The following ACBD3 variants were observed in gnomAD, a reference collection of about 807,000 sequenced individuals.
ACBD3 encodes acyl-CoA binding domain containing 3.
Under a neutral mutation model 66.9 loss-of-function variants are expected in ACBD3, and 30 were observed. The ratio of observed to expected loss-of-function variants is 0.45; its 90% CI spans 0.34 to 0.61. The LOEUF is 0.61. Ranked by LOEUF, ACBD3 falls within the 20% of genes least tolerant of loss-of-function variation. The pLI, the probability that ACBD3 is intolerant of heterozygous loss-of-function variation, is 0.02. For synonymous variants in ACBD3, 278 were observed against 259.8 expected (o/e 1.07, Z -0.68); for missense variants, 544 against 664.5 (o/e 0.82, Z 1.99).
intron 1 of ACBD3, among the ~76,000 whole-genome samples, chr1:226,170,020 CA>C (rs771896387): frequency 0.22 from 16,690 of 74,578 alleles, 464 homozygotes; most frequent in East Asian, 0.3. Context: ...GATTCCATCT[CA>C]AAAAAAAAAA....
intron 7 of ACBD3, among the ~76,000 whole-genome samples, 174 bp from the exon 8 acceptor site, chr1:226,146,995 G>A (rs779509529): frequency 1.3e-5 from 2 of 152,168 alleles, no homozygotes; most frequent in Admixed American, 6.5e-5. Context: ...GGGTGCAAGC[G>A]ATTCTCCTGC....
chr1:226,155,032 T>C (rs1446753386), intron 5 of ACBD3, 199 bp from the exon 6 acceptor site: 3 of 388,562 alleles, frequency 7.7e-6, no homozygotes, highest in Non-Finnish European at 9.0e-6. Flanking sequence ...CTAAAAATAA[T>C]AAAAAATCAA....
chr1:226,154,533 A>C lies in ACBD3; in HGVS notation c.1090+114T>G, dbSNP rs866723949. On this transcript the variant is annotated intron_variant, in intron 6 of 7. Coordinates refer to ENST00000366812, the MANE Select transcript of ACBD3 (RefSeq NM_022735.4). ...ACTAAAAAGAGTAAAAAAATGTTCA[A>C]CTCTCACAAATATGTAATTGTTCTC... 5 of 1,249,492 alleles carry C rather than the reference A, an allele frequency of 4.0e-6. No individual in the cohort carries two copies. The African/African-American group carries it at 4.5e-5, about 11-fold the overall frequency. The allele number at this position is 1,249,492 out of a possible 1,614,324, so 77.4% of individuals were successfully genotyped here.
chr1:226,186,597 G>A lies in ACBD3; in HGVS notation c.79C>T (p.Pro27Ser), dbSNP rs768903726. The stretch of plus-strand genomic sequence containing the variant: ...AGCAGCGGGGCGCCCTCCGCCCCAG[G>A]CCGCTCCTCCGGGTCCGGGCTGAGC... The part of the protein sequence containing the change: ...LTLSPDPEER[P>S]GAEGAPLLPP... The change falls in exon 1 of 8, where the codon CCT (proline) becomes TCT (serine). Residue 27 changes from proline to serine, a missense_variant. Transcript: ENST00000366812. 1.3e-5 allele frequency: 19 copies of A among 1,433,156 alleles called. No individual in the cohort carries two copies. Among genetic ancestry groups the A allele is most frequent in the South Asian group, 8.5e-5 (6 of 70,230 alleles). The allele number at this position is 1,433,156 out of a possible 1,614,324, so 88.8% of individuals were successfully genotyped here. A position where few individuals can be genotyped will look rare whatever the true frequency, so the allele number is the denominator to read the frequency against.
rs186585119 is a variant in ACBD3, at chr1:226,161,071, G to T, written c.728+460C>A. Among the ~76,000 whole-genome samples the T allele has an allele frequency of 2.8e-4, 42 of 152,020 alleles. No individual in the cohort carries two copies. In the East Asian group the frequency reaches 7.3e-3, roughly 27 times the overall value. On this transcript the variant is annotated intron_variant, in intron 4 of 7. Coordinates refer to ENST00000366812, the MANE Select transcript of ACBD3 (RefSeq NM_022735.4). ...GAAGCAGAGACAAGAAACAGAGAGC[G>T]CAACCAAGCAACCTCAGCTCCTGCT...
chr1:226,182,616 A>G (rs944341929), intron 1 of ACBD3, among the ~76,000 whole-genome samples: 3 of 150,642 alleles, frequency 2.0e-5, no homozygotes, highest in Non-Finnish European at 3.0e-5. Context: ...TCCGTCTCAG[A>G]AAAAAAAAAT....
At chr1:226,175,198 CCAAT>C (rs1378577694) in intron 1 of ACBD3, among the ~76,000 whole-genome samples, 1 of 151,818 alleles carries the variant, frequency 6.6e-6, no homozygotes, top group African/African-American at 2.4e-5. Flanking sequence ...ACTTTTATGC[CCAAT>C]CAAATAAATC....
chr1:226,184,186 CTA>C (rs1656240133), intron 1 of ACBD3, among the ~76,000 whole-genome samples: 1 of 152,010 alleles, frequency 6.6e-6, no homozygotes, highest in Non-Finnish European at 1.5e-5. Context: ...GAGTGAGACT[CTA>C]TCTCAAAAAC....
intron 3 of ACBD3, among the ~76,000 whole-genome samples, chr1:226,164,410 A>G (rs1190971094): frequency 1.3e-5 from 2 of 152,198 alleles, no homozygotes; most frequent in Non-Finnish European, 2.9e-5. Context: ...AAACCATGAA[A>G]TGGAGCATGA....
intron 1 of ACBD3, among the ~76,000 whole-genome samples, chr1:226,169,186 G>A (rs1187235094): frequency 6.6e-6 from 1 of 151,792 alleles, no homozygotes; most frequent in East Asian, 1.9e-4. Context: ...AACAAATGGC[G>A]ATAATTTGAA....
chr1:226,149,362 G>A lies in ACBD3; in HGVS notation c.1376-2541C>T, dbSNP rs534220838. Among the ~76,000 whole-genome samples the A allele has an allele frequency of 2.6e-5, 4 of 151,634 alleles. No individual in the cohort carries two copies. In the South Asian group the frequency reaches 8.3e-4, roughly 32 times the overall value. On this transcript the variant is annotated intron_variant, in intron 7 of 7. Coordinates refer to ENST00000366812, the MANE Select transcript of ACBD3 (RefSeq NM_022735.4). Reference sequence around the variant, plus strand: ...CTGCCTCAGTCTCCCAAGTAGCTGGGATTACAGGCATGTGCCACCATGCCT... The same window carrying A: ...CTGCCTCAGTCTCCCAAGTAGCTGGAATTACAGGCATGTGCCACCATGCCT...
At chr1:226,174,059 A>G (rs2666855) in intron 1 of ACBD3, among the ~76,000 whole-genome samples, 152,115 of 152,152 alleles carry the variant, frequency 1, 76,039 homozygotes, top group Non-Finnish European at 1. Flanking sequence ...CACCGCACCC[A>G]ACCAAGAATA....
chr1:226,166,484 AT>A (rs200962496), intron 1 of ACBD3, among the ~76,000 whole-genome samples: 2,624 of 122,400 alleles, frequency 0.021, 86 homozygotes, highest in East Asian at 0.19. Context: ...CGGTATGCTG[AT>A]TTTTTTTTTT....
chr1:226,171,789 C>T (rs911002152), intron 1 of ACBD3, among the ~76,000 whole-genome samples: 1 of 151,062 alleles, frequency 6.6e-6, no homozygotes, highest in Non-Finnish European at 1.5e-5. Flanking sequence ...GTGATCTGCC[C>T]GCCTCAGCTT....
chr1:226,151,779 G>A (rs1014237283), intron 7 of ACBD3, among the ~76,000 whole-genome samples: 1 of 152,092 alleles, frequency 6.6e-6, no homozygotes, highest in Non-Finnish European at 1.5e-5. Flanking sequence ...AGGCCGAGGC[G>A]GGTGGATCAC....
At chr1:226,172,155 C>CAAAAAAAAAAAAAAAAAAAAAAAAA (rs779380166) in intron 1 of ACBD3, among the ~76,000 whole-genome samples, 2 of 43,224 alleles carry the variant, frequency 4.6e-5, no homozygotes, top group East Asian at 1.5e-3. Flanking sequence ...AACTCCATCT[C>CAAAAAAAAAAAAAAAAAAAAAAAAA]AAAAAAAAAA....
chr1:226,165,018 G>T (rs1275157479), intron 2 of ACBD3, 89 bp from the exon 3 acceptor site: 6 of 1,334,118 alleles, frequency 4.5e-6, no homozygotes, highest in Non-Finnish European at 5.0e-6. Flanking sequence ...ATTCTCAATT[G>T]TAAGTAAAAT....
At chr1:226,184,954 CAA>C (rs56165469) in intron 1 of ACBD3, among the ~76,000 whole-genome samples, 33 of 91,094 alleles carry the variant, frequency 3.6e-4, no homozygotes, top group Admixed American at 6.6e-4. Context: ...GACTCCAGCT[CAA>C]AAAAAAAAAA....
rs145462202 is a variant in ACBD3, at chr1:226,173,757, C to CTTTTTTTTTTTTTTTT, written c.287-7773_287-7758dup. On this transcript the variant is annotated intron_variant, in intron 1 of 7. Coordinates refer to ENST00000366812, the MANE Select transcript of ACBD3 (RefSeq NM_022735.4). ...TAATTTTCTTCTTTTTTTTTCTTTT[C>CTTTTTTTTTTTTTTTT]TTTTTTTTTTTTTTTTTTTTTGAGA... is the stretch of plus-strand genomic sequence containing the variant. Among the ~76,000 whole-genome samples, 546 of 88,280 alleles carry CTTTTTTTTTTTTTTTT rather than the reference C, an allele frequency of 6.2e-3. 2 individuals carry two copies. The highest frequency in any genetic ancestry group is 8.2e-3 in the East Asian group (24 of 2,928). The allele number at this position is 88,280 out of a possible 152,430, so 57.9% of individuals were successfully genotyped here.
Sources: gnomAD v4.1 joint callset for allele counts (sites outside exome capture counted in the v4.1 genomes callset) on GRCh38, gnomAD v4.1.1 for gene constraint, MANE v1.5 for transcripts, NCBI Gene and HGNC (gene_info 2026-07-23, HGNC 2026-07-21) for gene names.